STX8: variants seen among roughly 807,000 people sequenced by gnomAD.
STX8 encodes the protein syntaxin-8.
Under a neutral mutation model 37.5 loss-of-function variants are expected in STX8, and 23 were observed. The ratio of observed to expected loss-of-function variants is 0.61; its 90% CI spans 0.44 to 0.87. The LOEUF (loss-of-function observed/expected upper bound fraction) is 0.87, where lower values mean the gene tolerates loss of function less well. Among genes scored for constraint, STX8 ranks in the 40% least tolerant of loss-of-function variants. The probability of loss-of-function intolerance (pLI) is 0.00; values close to 1 mark genes in which losing one functional copy is unlikely to be tolerated. For synonymous variants in STX8, 115 were observed against 99.1 expected (o/e 1.16, Z -0.95); for missense variants, 313 against 284.7 (o/e 1.10, Z -0.71).
At chr17:9,513,144 C>CAA (rs1473399858) in intron 4 of STX8, among the ~76,000 whole-genome samples, 1 of 151,790 alleles carries the variant, frequency 6.6e-6, no homozygotes, top group Non-Finnish European at 1.5e-5. Context: ...GATTAATATG[C>CAA]AAAATATGTA....
At chr17:9,351,176 CTTTT>C (rs71135970) in intron 7 of STX8, among the ~76,000 whole-genome samples, 2 of 99,812 alleles carry the variant, frequency 2.0e-5, no homozygotes, top group African/African-American at 4.1e-5. Context: ...ATTTCCTTGT[CTTTT>C]TTTTTTTTTT....
At chr17:9,371,683 T>A (rs990226125) in intron 7 of STX8, among the ~76,000 whole-genome samples, 3 of 152,160 alleles carry the variant, frequency 2.0e-5, no homozygotes, top group Admixed American at 6.5e-5. Context: ...TGATTCTTTC[T>A]TCTGCTGATA....
intron 7 of STX8, among the ~76,000 whole-genome samples, chr17:9,256,960 T>C (rs1449156835): frequency 6.6e-6 from 1 of 152,220 alleles, no homozygotes; most frequent in African/African-American, 2.4e-5. Flanking sequence ...TGCCAACTTC[T>C]TAAACAATGA....
chr17:9,398,358 A>T (rs1912482914), intron 6 of STX8, among the ~76,000 whole-genome samples: 1 of 152,226 alleles, frequency 6.6e-6, no homozygotes, highest in Non-Finnish European at 1.5e-5. Context: ...TAAGAAAAAC[A>T]TCAGGCAAAT....
chr17:9,485,849 G>A (rs939449092), intron 6 of STX8, among the ~76,000 whole-genome samples: 4 of 152,158 alleles, frequency 2.6e-5, no homozygotes, highest in African/African-American at 7.2e-5. Context: ...GCCTCCCAAA[G>A]TACTGGGATT....
chr17:9,550,167 T>C (rs1906706938), intron 3 of STX8, among the ~76,000 whole-genome samples: 1 of 150,308 alleles, frequency 6.7e-6, no homozygotes, highest in Non-Finnish European at 1.5e-5. Flanking sequence ...GAGGTTGCAG[T>C]GAGCCAAGAT....
intron 1 of STX8, among the ~76,000 whole-genome samples, chr17:9,571,884 CAGCCTGGG>C (rs1391028550): frequency 2.6e-5 from 4 of 151,526 alleles, no homozygotes; most frequent in Non-Finnish European, 5.9e-5. Context: ...CACTGCACTC[CAGCCTGGG>C]CGACGGAGCA....
chr17:9,276,888 G>A (rs567043809), intron 7 of STX8, among the ~76,000 whole-genome samples: 11 of 151,444 alleles, frequency 7.3e-5, no homozygotes, highest in Admixed American at 3.3e-4. Context: ...CGCCCGCCTC[G>A]GCCTCCCAAA....
At chr17:9,339,820 G>A (rs1910277687) in intron 7 of STX8, among the ~76,000 whole-genome samples, 1 of 152,176 alleles carries the variant, frequency 6.6e-6, no homozygotes, top group African/African-American at 2.4e-5. Context: ...ATTGGCGTAA[G>A]GACCGAAAGA....
rs146487449 is a variant in STX8 at position 9,342,749 on chromosome 17, G to A, written c.643+35803C>T. 6.6e-3 allele frequency among the ~76,000 whole-genome samples: 1,007 copies of A among 152,172 alleles called. 17 individuals carry two copies. Among genetic ancestry groups the A allele is most frequent in the African/African-American group, 0.022 (926 of 41,506 alleles). On this transcript the variant is annotated intron_variant, in intron 7 of 7. Coordinates refer to ENST00000306357, the MANE Select transcript of STX8 (RefSeq NM_004853.3). ...CAGATAAAAGTGCAAATGGCCGGGC[G>A]CGGTGGCTCACGCCTGTAATCCCAG...
chr17:9,268,689 TA>T (rs1218028126), intron 7 of STX8, among the ~76,000 whole-genome samples: 29 of 152,092 alleles, frequency 1.9e-4, no homozygotes, highest in South Asian at 6.2e-4. Flanking sequence ...CATTCCTAAG[TA>T]AAAACTCAGA....
chr17:9,419,849 T>A (rs551018213), intron 6 of STX8, among the ~76,000 whole-genome samples: 1 of 152,202 alleles, frequency 6.6e-6, no homozygotes, highest in Non-Finnish European at 1.5e-5. Flanking sequence ...TCCCATAAGA[T>A]TCACGGAAAC....
Position 9,293,922 on chromosome 17 carries a change from T to C in STX8, c.644-43277A>G, listed in dbSNP as rs534896746. On this transcript the variant is annotated intron_variant, in intron 7 of 7. Transcript: ENST00000306357. ...GACTACAGGCACCCGCCACCACGCC[T>C]GGCTAATTTTTTTTTTGTATTTTTA... 2.1e-3 allele frequency among the ~76,000 whole-genome samples: 292 copies of C among 138,938 alleles called. 1 individual carries two copies. The highest frequency in any genetic ancestry group is 8.3e-3 in the African/African-American group (282 of 34,026). 91.1% of individuals were successfully genotyped at this position (138,938 alleles called of 152,430 possible).
intron 5 of STX8, among the ~76,000 whole-genome samples, chr17:9,500,728 C>T (rs1401691915): frequency 1.3e-5 from 2 of 152,288 alleles, no homozygotes; most frequent in Middle Eastern, 3.4e-3. Flanking sequence ...GAAGGCCGGG[C>T]GTGCTGGCTC....
At chr17:9,311,994 CCCG>C (rs1351434992) in intron 7 of STX8, among the ~76,000 whole-genome samples, 2 of 150,500 alleles carry the variant, frequency 1.3e-5, no homozygotes, top group Non-Finnish European at 3.0e-5. Context: ...ATTACAGGTG[CCCG>C]CCATTATGCC....
intron 6 of STX8, among the ~76,000 whole-genome samples, chr17:9,432,469 A>T (rs1914016836): frequency 6.7e-6 from 1 of 150,338 alleles, no homozygotes; most frequent in African/African-American, 2.5e-5. Context: ...TCCACTCTCC[A>T]TTTATTTCCA....
chr17:9,456,825 T>G (rs1905198671), intron 6 of STX8, among the ~76,000 whole-genome samples: 1 of 152,180 alleles, frequency 6.6e-6, no homozygotes, highest in Non-Finnish European at 1.5e-5. Context: ...AAAAAAAAGT[T>G]CTAAGTTATT....
chr17:9,497,129 G>A (rs187044536), intron 5 of STX8, among the ~76,000 whole-genome samples: 6 of 152,208 alleles, frequency 3.9e-5, no homozygotes, highest in African/African-American at 1.4e-4. Context: ...GAAACTAAAG[G>A]GCAAATGCAG....
intron 6 of STX8, among the ~76,000 whole-genome samples, chr17:9,423,225 A>G (rs1347720698): frequency 6.6e-6 from 1 of 152,218 alleles, no homozygotes; most frequent in Non-Finnish European, 1.5e-5. Flanking sequence ...AGCACTGTCA[A>G]TAAGTGTTAG....
Sources: gnomAD v4.1 joint callset for allele counts (sites outside exome capture counted in the v4.1 genomes callset) on GRCh38, gnomAD v4.1.1 for gene constraint, MANE v1.5 for transcripts, NCBI Gene and HGNC (gene_info 2026-07-23, HGNC 2026-07-21) for gene names.